FGF14: variants seen among roughly 807,000 people sequenced by gnomAD.
FGF14 encodes the protein fibroblast growth factor homologous factor 4.
Under a neutral mutation model 25.5 loss-of-function variants are expected in FGF14, and 5 were observed. The observed-to-expected ratio is 0.20, with a 90% confidence interval of 0.10 to 0.41. The LOEUF (loss-of-function observed/expected upper bound fraction) is 0.41, where lower values mean the gene tolerates loss of function less well. Among genes scored for constraint, FGF14 ranks in the 10% least tolerant of loss-of-function variants. FGF14 has a pLI of 1.00. For synonymous variants in FGF14, 138 were observed against 118.3 expected (o/e 1.17, Z -1.08); for missense variants, 222 against 320.1 (o/e 0.69, Z 2.34).
At chr13:102,013,737 T>C (rs905762799) in intron 1 of FGF14, among the ~76,000 whole-genome samples, 1 of 152,208 alleles carries the variant, frequency 6.6e-6, no homozygotes, top group African/African-American at 2.4e-5. Context: ...TGTTTCATAT[T>C]CCCCTACTAC....
chr13:101,875,434 T>C (rs1239710898), intron 1 of FGF14, 138 bp from the exon 2 acceptor site: 13 of 693,474 alleles, frequency 1.9e-5, no homozygotes, highest in Admixed American at 4.4e-5. Flanking sequence ...CAGATTCTTC[T>C]GTGTTTTATC....
chr13:102,259,425 C>G (rs1438610957), intron 1 of FGF14, among the ~76,000 whole-genome samples: 1 of 152,074 alleles, frequency 6.6e-6, no homozygotes, highest in Non-Finnish European at 1.5e-5. Context: ...GTTGTCCATC[C>G]AACATCTCTT....
intron 1 of FGF14, among the ~76,000 whole-genome samples, chr13:102,087,414 T>TTTTC (rs1555355140): frequency 1.7e-4 from 23 of 133,010 alleles, no homozygotes; most frequent in African/African-American, 6.6e-4. Context: ...TTTCTTTTTT[T>TTTTC]TTTTTTTTTT....
chr13:101,971,804 G>A (rs991813887), intron 1 of FGF14, among the ~76,000 whole-genome samples: 3 of 152,348 alleles, frequency 2.0e-5, no homozygotes, highest in Non-Finnish European at 1.5e-5. Flanking sequence ...AGTAAAACAC[G>A]AAAGTTATTT....
At position 102,006,217 on chromosome 13, in the gene FGF14, C is replaced by T. The variant is rs2039775925; in HGVS notation, c.209-130921G>A. Reference sequence around the variant, plus strand: ...TATACAGAACTCATTATATTTGCAACTTCATGTAAATCTGAAATTATTTCA... The same window carrying T: ...TATACAGAACTCATTATATTTGCAATTTCATGTAAATCTGAAATTATTTCA... On this transcript the variant is annotated intron_variant, in intron 1 of 4. Coordinates refer to the FGF14 transcript ENST00000376131. Among the ~76,000 whole-genome samples, 5 of 152,308 alleles carry T rather than the reference C, an allele frequency of 3.3e-5. 1 individual carries two copies. The South Asian group carries it at 1.0e-3, about 32-fold the overall frequency.
intron 1 of FGF14, among the ~76,000 whole-genome samples, chr13:102,047,414 G>T (rs953568150): frequency 1.3e-5 from 2 of 152,040 alleles, no homozygotes; most frequent in African/African-American, 2.4e-5. Context: ...AAAATTACTG[G>T]CCTGTTCAGG....
chr13:102,150,061 C>T (rs1354186911), intron 1 of FGF14, among the ~76,000 whole-genome samples: 8 of 152,154 alleles, frequency 5.3e-5, no homozygotes, highest in Non-Finnish European at 1.0e-4. Context: ...GGGGAAAATG[C>T]TACCCCAGTT....
chr13:102,021,232 A>G (rs552622132), intron 1 of FGF14, among the ~76,000 whole-genome samples: 30 of 152,232 alleles, frequency 2.0e-4, no homozygotes, highest in African/African-American at 6.0e-4. Context: ...AAGGAAGAGC[A>G]TAAGATGGAT....
intron 1 of FGF14, among the ~76,000 whole-genome samples, chr13:101,916,088 C>T (rs1249241212): frequency 2.6e-5 from 4 of 152,206 alleles, no homozygotes; most frequent in East Asian, 3.9e-4. Flanking sequence ...AGCGGTGGCT[C>T]GACCCCGGGT....
At chr13:102,308,679 T>C (rs1035531632) in intron 1 of FGF14, among the ~76,000 whole-genome samples, 2 of 152,064 alleles carry the variant, frequency 1.3e-5, no homozygotes, top group Non-Finnish European at 2.9e-5. Context: ...TCTTCATCTG[T>C]AAAATAAAAG....
At position 102,276,380 on chromosome 13, in the gene FGF14, T is replaced by TATATATAC. The variant is rs1491317660; in HGVS notation, c.208+125090_208+125091insGTATATAT. Among the ~76,000 whole-genome samples the TATATATAC allele has an allele frequency of 5.1e-3, 665 of 131,390 alleles. 10 individuals carry two copies. The highest frequency in any genetic ancestry group is 0.017 in the African/African-American group (603 of 36,372). The allele number at this position is 131,390 out of a possible 152,430, so 86.2% of individuals were successfully genotyped here. ...ATATATATATATATATATATATATA[T>TATATATAC]ACACATTATTGGTTCATCATTTCTG... is the stretch of plus-strand genomic sequence containing the variant. On this transcript the variant is annotated intron_variant, in intron 1 of 4. Coordinates refer to the FGF14 transcript ENST00000376131.
chr13:102,076,987 A>G (rs1163554646), intron 1 of FGF14, among the ~76,000 whole-genome samples: 1 of 152,240 alleles, frequency 6.6e-6, no homozygotes, highest in Non-Finnish European at 1.5e-5. Context: ...CCACATATTT[A>G]TAGTCAATTG....
At chr13:101,952,318 C>T (rs181549493) in intron 1 of FGF14, among the ~76,000 whole-genome samples, 10 of 152,068 alleles carry the variant, frequency 6.6e-5, no homozygotes, top group Admixed American at 2.0e-4. Context: ...CTTTGTTATA[C>T]GGCATGAAGT....
intron 1 of FGF14, among the ~76,000 whole-genome samples, chr13:102,281,237 A>C (rs2141213692): frequency 6.6e-6 from 1 of 152,326 alleles, no homozygotes; most frequent in Middle Eastern, 3.4e-3. Flanking sequence ...ACCTGTATGC[A>C]GGCTCTGAGT....
intron 1 of FGF14, among the ~76,000 whole-genome samples, chr13:102,082,836 T>G (rs2043696786): frequency 6.6e-6 from 1 of 150,896 alleles, no homozygotes; most frequent in South Asian, 2.1e-4. Flanking sequence ...CGGGCGCCTG[T>G]AGTCCCAGCT....
chr13:101,793,478 G>A (rs1422614965), intron 3 of FGF14, among the ~76,000 whole-genome samples: 1 of 152,022 alleles, frequency 6.6e-6, no homozygotes, highest in Non-Finnish European at 1.5e-5. Flanking sequence ...CTATTTATGT[G>A]TTGATGGACA....
intron 1 of FGF14, among the ~76,000 whole-genome samples, chr13:102,366,290 A>T (rs183480493): frequency 1.4e-4 from 22 of 152,328 alleles, no homozygotes; most frequent in Admixed American, 4.6e-4. Context: ...AACATTAAAG[A>T]GTAAATCATG....
At chr13:101,742,439 A>G (rs2036615534) in intron 3 of FGF14, among the ~76,000 whole-genome samples, 1 of 152,236 alleles carries the variant, frequency 6.6e-6, no homozygotes, top group Non-Finnish European at 1.5e-5. Flanking sequence ...TAGTGCAGAC[A>G]TTAAGATTAA....
chr13:102,358,305 C>T (rs1417018507), intron 1 of FGF14, among the ~76,000 whole-genome samples: 2 of 152,074 alleles, frequency 1.3e-5, no homozygotes, highest in African/African-American at 4.8e-5. Flanking sequence ...TCACTGAGGG[C>T]CATTTTTAAT....
Sources: gnomAD v4.1 joint callset for allele counts (sites outside exome capture counted in the v4.1 genomes callset) on GRCh38, gnomAD v4.1.1 for gene constraint, MANE v1.5 for transcripts, NCBI Gene and HGNC (gene_info 2026-07-23, HGNC 2026-07-21) for gene names.